PRDM16: variants seen among roughly 807,000 people sequenced by gnomAD.
PRDM16 encodes the protein PR/SET domain 16.
PRDM16 carries 23 observed loss-of-function variants against 110.6 expected under a neutral mutation model. The ratio of observed to expected loss-of-function variants is 0.21; its 90% confidence interval spans 0.15 to 0.29. The LOEUF (loss-of-function observed/expected upper bound fraction) is 0.29, where lower values mean the gene tolerates loss of function less well. Among genes scored for constraint, PRDM16 ranks in the 10% least tolerant of loss-of-function variants. The pLI, the probability that PRDM16 is intolerant of heterozygous loss-of-function variation, is 1.00. For synonymous variants in PRDM16, 799 were observed against 781.8 expected, an observed-to-expected ratio of 1.02 and a Z score of -0.37; for missense variants, 1,615 against 1,794.3, an observed-to-expected ratio of 0.90 and a Z score of 1.81.
rs964987806 is a variant in PRDM16 at position 3,382,526 on chromosome 1, C to G, written c.439-2626C>G. Among the ~76,000 whole-genome samples, 1 of 152,226 alleles carries G rather than the reference C, an allele frequency of 6.6e-6. No homozygotes were observed. Among genetic ancestry groups the G allele is most frequent in the Non-Finnish European group, 1.5e-5 (1 of 68,046 alleles). ...GGAACCTGCCCTGAGTCCTGAACAGCAGGGTGGCCACAGACTCCCCACCAA... is the reference window on the plus strand; with the variant it reads ...GGAACCTGCCCTGAGTCCTGAACAGGAGGGTGGCCACAGACTCCCCACCAA... On this transcript the variant is annotated intron_variant, in intron 3 of 16. Coordinates refer to ENST00000270722, the MANE Select transcript of PRDM16 (RefSeq NM_022114.4). This position sits in a 1 kb window ranked among gnomAD's most constrained non-coding sequence, Gnocchi z 6.6.
intron 3 of PRDM16, among the ~76,000 whole-genome samples, chr1:3,252,897 G>A (rs1358848321): frequency 2.0e-5 from 3 of 152,146 alleles, no homozygotes; most frequent in African/African-American, 7.2e-5. Flanking sequence ...CGGGAAGGAG[G>A]GTCATGCAGG....
intron 1 of PRDM16, among the ~76,000 whole-genome samples, chr1:3,103,672 C>T (rs1440972274): frequency 6.6e-6 from 1 of 152,168 alleles, no homozygotes; most frequent in Non-Finnish European, 1.5e-5. Context: ...GACGAGAGTT[C>T]TGTAACTGGC....
Position 3,080,411 on chromosome 1 carries a change from G to A in PRDM16, c.37+11115G>A, listed in dbSNP as rs557666138. On this transcript the variant is annotated intron_variant, in intron 1 of 16. Coordinates refer to ENST00000270722, the MANE Select transcript of PRDM16 (RefSeq NM_022114.4). This position sits in a 1 kb window ranked among gnomAD's most constrained non-coding sequence, Gnocchi z 5.2. ...GCTTTCCGATCGGTTTCTCTACCCC[G>A]GCCCATCCAGCCATCCTTTTCTTTA... Among the ~76,000 whole-genome samples the A allele has an allele frequency of 5.3e-5, 8 of 152,206 alleles. No individual in the cohort carries two copies. The South Asian group carries it at 1.7e-3, about 32-fold the overall frequency.
intron 3 of PRDM16, among the ~76,000 whole-genome samples, chr1:3,365,954 GCACACATGCA>G (rs1553168828): frequency 6.7e-6 from 1 of 150,334 alleles, no homozygotes; most frequent in Non-Finnish European, 1.5e-5. Flanking sequence ...GCACACGCAT[GCACACATGCA>G]CACACACGCA....
At chr1:3,320,366 A>G (rs1430410324) in intron 3 of PRDM16, among the ~76,000 whole-genome samples, 2 of 152,180 alleles carry the variant, frequency 1.3e-5, no homozygotes, top group Admixed American at 6.5e-5. Flanking sequence ...ACTGGTGTGA[A>G]CATGCAGGTG....
At chr1:3,233,341 G>A (rs1483499931) in intron 2 of PRDM16, among the ~76,000 whole-genome samples, 2 of 152,232 alleles carry the variant, frequency 1.3e-5, no homozygotes, top group East Asian at 1.9e-4. Flanking sequence ...GATGTGAGTC[G>A]GGACAGCCAC....
At position 3,175,690 on chromosome 1, in the gene PRDM16, C is replaced by T. The variant is rs191359977; in HGVS notation, c.38-10435C>T. Among the ~76,000 whole-genome samples the T allele has an allele frequency of 1.3e-5, 2 of 152,298 alleles. No homozygotes were observed. The highest frequency in any genetic ancestry group is 3.9e-4 in the East Asian group (2 of 5,186). On this transcript the variant is annotated intron_variant, in intron 1 of 16. Transcript: ENST00000270722. This position sits in a 1 kb window ranked among gnomAD's most constrained non-coding sequence, Gnocchi z 4.8. The stretch of plus-strand genomic sequence containing the variant: ...GTCCCAGAACTCAGACCTGCCCACC[C>T]GCCACATGGGTGCAGGGAGGGTGAC...
At chr1:3,118,221 A>G (rs1297596261) in intron 1 of PRDM16, among the ~76,000 whole-genome samples, 1 of 152,140 alleles carries the variant, frequency 6.6e-6, no homozygotes, top group African/African-American at 2.4e-5. Context: ...GCACACACAC[A>G]CGTGCACACA....
chr1:3,110,995 A>G (rs1642779067), intron 1 of PRDM16, among the ~76,000 whole-genome samples: 1 of 152,170 alleles, frequency 6.6e-6, no homozygotes, highest in Non-Finnish European at 1.5e-5. Flanking sequence ...TTGCCAGCCT[A>G]GCTTCGTGGG....
chr1:3,422,401 A>C (rs1295571317), intron 12 of PRDM16, among the ~76,000 whole-genome samples: 1 of 152,196 alleles, frequency 6.6e-6, no homozygotes, highest in Admixed American at 6.5e-5. Flanking sequence ...GCAGGCAGAC[A>C]GATTGGGCTG....
At chr1:3,145,930 C>A (rs984701290) in intron 1 of PRDM16, among the ~76,000 whole-genome samples, 1 of 152,220 alleles carries the variant, frequency 6.6e-6, no homozygotes, top group African/African-American at 2.4e-5. Context: ...AGAGGTCCCC[C>A]GGCGCCCCCC....
intron 3 of PRDM16, among the ~76,000 whole-genome samples, chr1:3,348,227 A>T (rs531005872): frequency 6.5e-4 from 99 of 152,240 alleles, no homozygotes; most frequent in Admixed American, 1.6e-3. Context: ...GGCTGCAAGG[A>T]TGAGGCTCGC....
intron 3 of PRDM16, chr1:3,306,816 C>T (rs1446832972): frequency 2.6e-5 from 4 of 152,154 alleles, no homozygotes; most frequent in Non-Finnish European, 5.9e-5. Flanking sequence ...CCTATTAGTA[C>T]TCACTCCGCA....
intron 5 of PRDM16, among the ~76,000 whole-genome samples, chr1:3,399,834 A>G (rs1424300707): frequency 6.6e-6 from 1 of 152,240 alleles, no homozygotes; most frequent in Non-Finnish European, 1.5e-5. Flanking sequence ...CAGAAAGAGT[A>G]AAATAAAAGC....
intron 1 of PRDM16, among the ~76,000 whole-genome samples, chr1:3,106,447 C>T (rs1468639115): frequency 6.6e-6 from 1 of 152,116 alleles, no homozygotes; most frequent in Non-Finnish European, 1.5e-5. Context: ...GCTCAGGGGC[C>T]CGAGGGCTGG....
rs1210666448 is a variant in PRDM16, at chr1:3,382,999, C to T, written c.439-2153C>T. The stretch of plus-strand genomic sequence containing the variant: ...CCAATGTTTTCCTCGGGCTCCAGCC[C>T]CTAGCCTAGTTATGCTTCTTGGACC... On this transcript the variant is annotated intron_variant, in intron 3 of 16. Transcript: ENST00000270722. This position sits in a 1 kb window ranked among gnomAD's most constrained non-coding sequence, Gnocchi z 6.6. Among the ~76,000 whole-genome samples the T allele has an allele frequency of 6.6e-6, 1 of 152,230 alleles. No individual in the cohort carries two copies. Among genetic ancestry groups the T allele is most frequent in the African/African-American group, 2.4e-5 (1 of 41,460 alleles).
At position 3,404,951 on chromosome 1, in the gene PRDM16, C is replaced by T; in HGVS notation, c.1032+65C>T. On this transcript the variant is annotated intron_variant, in intron 7 of 16. Transcript: ENST00000270722. ...AGGAGGCTGCAGACGGGCGCCCGCCCCCGTGCTCCCTACACCCCCTGGTCC... is the reference window on the plus strand; with the variant it reads ...AGGAGGCTGCAGACGGGCGCCCGCCTCCGTGCTCCCTACACCCCCTGGTCC... The T allele has an allele frequency of 2.6e-6, 4 of 1,544,828 alleles. No individual in the cohort carries two copies. In the South Asian group the frequency reaches 3.6e-5, roughly 14 times the overall value.
Position 3,255,774 on chromosome 1 carries a change from T to C in PRDM16, c.438+11637T>C, listed in dbSNP as rs1170398565. Reference sequence around the variant, plus strand: ...AGCAGAAGAAGACAGCAGACACACATAGTCCTCATCCTCCTTAGGCCTTGG... The same window carrying C: ...AGCAGAAGAAGACAGCAGACACACACAGTCCTCATCCTCCTTAGGCCTTGG... On this transcript the variant is annotated intron_variant, in intron 3 of 16. Coordinates refer to ENST00000270722, the MANE Select transcript of PRDM16 (RefSeq NM_022114.4). The surrounding 1 kb of genome is among the most constrained non-coding windows in gnomAD (Gnocchi z 4.7). Among the ~76,000 whole-genome samples the C allele has an allele frequency of 6.6e-6, 1 of 152,016 alleles. No homozygotes were observed. Among genetic ancestry groups the C allele is most frequent in the Non-Finnish European group, 1.5e-5 (1 of 68,008 alleles).
At position 3,437,162 on chromosome 1, in the gene PRDM16, C is replaced by T. The variant is rs374461314; in HGVS notation, c.*3351C>T. 6.0e-5 allele frequency: 14 copies of T among 231,680 alleles called. No homozygotes were observed. The highest frequency in any genetic ancestry group is 1.1e-4 in the Non-Finnish European group (13 of 117,194). The allele number at this position is 231,680 out of a possible 1,614,324, so 14.4% of individuals were successfully genotyped here. ...GGTGTGGAGCAGTGGCTGGGGTGGG[C>T]GTGGTGTGGCCTGAGAGACTGCCCA... On this transcript the variant is annotated 3_prime_UTR_variant, in exon 17 of 17. Transcript: ENST00000270722.
Sources: allele counts gnomAD v4.1 joint callset (sites outside exome capture counted in the v4.1 genomes callset), GRCh38; gene constraint gnomAD v4.1.1; non-coding constraint Gnocchi (gnomAD v3.1); transcripts MANE v1.5; gene names NCBI Gene and HGNC (gene_info 2026-07-23, HGNC 2026-07-21).